The following ARHGAP28 variants were observed in gnomAD, a reference collection of about 807,000 sequenced individuals.
The protein encoded by ARHGAP28 is Rho GTPase activating protein 28, also known as rho GTPase-activating protein 28.
In ARHGAP28, 56 loss-of-function variants were observed where a neutral mutation model predicts 90.7. That is an observed-to-expected ratio of 0.62 (90% CI 0.50 to 0.77). The LOEUF (loss-of-function observed/expected upper bound fraction) is 0.77. ARHGAP28 is among the 30% of genes least tolerant of loss of function. ARHGAP28 has a pLI of 0.00. For missense variants in ARHGAP28, 869 were observed against 900.9 expected, an observed-to-expected ratio of 0.96 and a Z score of 0.45; for synonymous variants, 308 against 323.3, an observed-to-expected ratio of 0.95 and a Z score of 0.51.
chr18:6,858,237 T>C (rs1190164935), intron 4 of ARHGAP28, among the ~76,000 whole-genome samples: 1 of 152,186 alleles, frequency 6.6e-6, no homozygotes, highest in Admixed American at 6.5e-5. Context: ...CCTATTTTTC[T>C]AAACATGTCT....
intron 1 of ARHGAP28, among the ~76,000 whole-genome samples, chr18:6,751,960 A>T (rs962507617): frequency 3.3e-5 from 5 of 152,332 alleles, no homozygotes; most frequent in Non-Finnish European, 7.4e-5. Flanking sequence ...TTGCTTACAA[A>T]ACTTAAAAAA....
chr18:6,804,023 C>T lies in ARHGAP28; in HGVS notation c.123-20739C>T, dbSNP rs192963799. On this transcript the variant is annotated intron_variant, in intron 1 of 17. Coordinates refer to ENST00000383472, the MANE Select transcript of ARHGAP28 (RefSeq NM_001366230.1). ...CTTGATTTCCTGACCTTGTGATCCA[C>T]CTGCCTCGGCCTCCCAAAGTGCTGG... is the stretch of plus-strand genomic sequence containing the variant. Among the ~76,000 whole-genome samples the T allele has an allele frequency of 3.3e-5, 5 of 152,332 alleles. No individual in the cohort carries two copies. The East Asian group carries it at 9.7e-4, about 29-fold the overall frequency.
At chr18:6,776,098 C>T (rs111489535) in intron 1 of ARHGAP28, among the ~76,000 whole-genome samples, 3 of 152,204 alleles carry the variant, frequency 2.0e-5, no homozygotes, top group South Asian at 2.1e-4. Flanking sequence ...GTTCTAAAGA[C>T]GAGTTTCTGG....
chr18:6,836,327 G>A (rs1240791820), intron 2 of ARHGAP28, among the ~76,000 whole-genome samples: 3 of 152,126 alleles, frequency 2.0e-5, no homozygotes, highest in African/African-American at 7.2e-5. Flanking sequence ...GAACAGGAAA[G>A]AGTGAGAGTG....
At chr18:6,843,607 A>G (rs1158957271) in intron 3 of ARHGAP28, among the ~76,000 whole-genome samples, 1 of 152,352 alleles carries the variant, frequency 6.6e-6, no homozygotes, top group East Asian at 1.9e-4. Context: ...TTAAAAAGAC[A>G]TCTCTTTTGA....
rs1379400226 is a variant in ARHGAP28 at position 6,905,221 on chromosome 18, A to T, written c.2031-3739A>T. 2.6e-5 allele frequency among the ~76,000 whole-genome samples: 4 copies of T among 152,194 alleles called. No homozygotes were observed. In the East Asian group the frequency reaches 7.7e-4, roughly 29 times the overall value. ...TTTATTAAAAGAATCGTACACCATA[A>T]ACCAACTGGGATTTTTTTTCAGGCA... On this transcript the variant is annotated intron_variant, in intron 16 of 17. Transcript: ENST00000383472.
rs573937761 is a variant in ARHGAP28, at chr18:6,870,846, G to A, written c.954+114G>A. 4.0e-4 allele frequency: 474 copies of A among 1,179,722 alleles called. 4 individuals are homozygous for A. The South Asian group carries it at 6.1e-3, about 15-fold the overall frequency. 73.1% of individuals were successfully genotyped at this position (1,179,722 alleles called of 1,614,324 possible). A position where few individuals can be genotyped will look rare whatever the true frequency, so the allele number is the denominator to read the frequency against. On this transcript the variant is annotated intron_variant, in intron 7 of 17. Coordinates refer to ENST00000383472, the MANE Select transcript of ARHGAP28 (RefSeq NM_001366230.1). ...ACGGAGTCTCGCTCTATTGCCCCAG[G>A]CTGGAGTGCAGTGGCGCGATCTCGG... is the stretch of plus-strand genomic sequence containing the variant.
intron 6 of ARHGAP28, among the ~76,000 whole-genome samples, chr18:6,870,286 T>A (rs1365377441): frequency 2.0e-5 from 3 of 152,194 alleles, no homozygotes; most frequent in African/African-American, 7.2e-5. Context: ...AAATACCCTA[T>A]TTTGGACTTT....
At chr18:6,769,991 G>A (rs762311501) in intron 1 of ARHGAP28, among the ~76,000 whole-genome samples, 1 of 152,106 alleles carries the variant, frequency 6.6e-6, no homozygotes, top group African/African-American at 2.4e-5. Flanking sequence ...AGGTAACTTC[G>A]TCTTATTTAT....
chr18:6,831,826 G>A (rs1329071956), intron 2 of ARHGAP28, among the ~76,000 whole-genome samples: 1 of 152,048 alleles, frequency 6.6e-6, no homozygotes, highest in Non-Finnish European at 1.5e-5. Context: ...CAGGGAACGG[G>A]TTCAGTACTC....
chr18:6,738,345 A>G (rs1005662437), intron 1 of ARHGAP28, among the ~76,000 whole-genome samples: 9 of 151,966 alleles, frequency 5.9e-5, no homozygotes, highest in African/African-American at 2.2e-4. Context: ...TTACTTATAT[A>G]CATTTACTTA....
At position 6,896,571 on chromosome 18, in the gene ARHGAP28, C is replaced by T; in HGVS notation, c.1975C>T (p.Leu659Phe). 1 of 1,614,154 alleles carries T rather than the reference C, an allele frequency of 6.2e-7. No individual in the cohort carries two copies. The highest frequency in any genetic ancestry group is 8.5e-7 in the Non-Finnish European group (1 of 1,180,010). ...LLSKVSMAIQLNNQTKAKDIL... is the reference protein window; with the variant it reads ...LLSKVSMAIQFNNQTKAKDIL... ...CTCCAAGGTGTCCATGGCCATTCAACTCAACAATCAAACCAAAGCCAAAGA... is the reference window on the plus strand; with the variant it reads ...CTCCAAGGTGTCCATGGCCATTCAATTCAACAATCAAACCAAAGCCAAAGA... Residue 659 changes from leucine to phenylalanine, a missense_variant, in exon 16 of 18, where the codon CTC becomes TTC. By Grantham distance (22) the Leu-to-Phe change is conservative. Transcript: ENST00000383472.
intron 1 of ARHGAP28, among the ~76,000 whole-genome samples, chr18:6,823,109 C>A (rs955259941): frequency 6.6e-6 from 1 of 152,098 alleles, no homozygotes; most frequent in Admixed American, 6.6e-5. Context: ...TAGTCTTGGT[C>A]TTTTTGTCCA....
In ARHGAP28 at chr18:6,894,476, T is replaced by C. The variant is rs77741790; in HGVS notation, c.1849-359T>C. 1.6e-3 allele frequency among the ~76,000 whole-genome samples: 239 copies of C among 152,320 alleles called. 9 individuals are homozygous for C. In the East Asian group the frequency reaches 0.044, roughly 28 times the overall value. On this transcript the variant is annotated intron_variant, in intron 14 of 17. Transcript: ENST00000383472. ...TGACTTAACAAATCATGGGGATTATTTTATATCAGTCCACAAAGCCAGCAC... is the reference window on the plus strand; with the variant it reads ...TGACTTAACAAATCATGGGGATTATCTTATATCAGTCCACAAAGCCAGCAC...
intron 1 of ARHGAP28, among the ~76,000 whole-genome samples, chr18:6,793,923 AGG>A (rs2056423597): frequency 5.3e-5 from 8 of 152,258 alleles, no homozygotes; most frequent in Middle Eastern, 3.4e-3. Context: ...GAGGAGAGAG[AGG>A]TTATACTTTG....
At chr18:6,765,683 G>A (rs2056194579) in intron 1 of ARHGAP28, among the ~76,000 whole-genome samples, 1 of 151,806 alleles carries the variant, frequency 6.6e-6, no homozygotes. Flanking sequence ...TCTTTTAATA[G>A]CTTCCGTAAG....
intron 16 of ARHGAP28, chr18:6,898,453 G>A (rs751263607): frequency 3.9e-5 from 62 of 1,598,380 alleles, no homozygotes; most frequent in Non-Finnish European, 4.9e-5. Context: ...CACTGGCAGC[G>A]AGCTGCACTT....
At chr18:6,841,203 C>CTCTCTCCTCTCTCTCTCTCTCTCTCTCT (rs754874496) in intron 3 of ARHGAP28, among the ~76,000 whole-genome samples, 6 of 41,974 alleles carry the variant, frequency 1.4e-4, no homozygotes, top group African/African-American at 6.9e-4. Context: ...CTCTCTCTCT[C>CTCTCTCCTCTCTCTCTCTCTCTCTCTCT]CTCTCCTCTC....
chr18:6,904,408 A>T (rs961457431), intron 16 of ARHGAP28, among the ~76,000 whole-genome samples: 1 of 152,202 alleles, frequency 6.6e-6, no homozygotes, highest in Non-Finnish European at 1.5e-5. Context: ...ATGAATAAAT[A>T]AATAAAATTT....
Sources: gnomAD v4.1 joint callset for allele counts (sites outside exome capture counted in the v4.1 genomes callset) on GRCh38, gnomAD v4.1.1 for gene constraint, MANE v1.5 for transcripts, NCBI Gene and HGNC (gene_info 2026-07-23, HGNC 2026-07-21) for gene names.